The following SMYD3 variants were observed in gnomAD, a reference collection of about 807,000 sequenced individuals.
The protein encoded by SMYD3 is SET and MYND domain containing 3.
SMYD3 carries 36 observed loss-of-function variants against 57.7 expected under a neutral mutation model. The ratio of observed to expected loss-of-function variants is 0.62; its 90% CI spans 0.48 to 0.82. The LOEUF (loss-of-function observed/expected upper bound fraction) is 0.82. SMYD3 is among the 40% of genes least tolerant of loss of function. The probability of loss-of-function intolerance (pLI) is 0.00; values close to 1 mark genes in which losing one functional copy is unlikely to be tolerated. For missense variants in SMYD3, 515 were observed against 538.8 expected (o/e 0.96, Z 0.44); for synonymous variants, 211 against 195.0 (o/e 1.08, Z -0.68).
At chr1:246,064,707 C>A (rs1196138450) in intron 5 of SMYD3, among the ~76,000 whole-genome samples, 1 of 152,228 alleles carries the variant, frequency 6.6e-6, no homozygotes, top group African/African-American at 2.4e-5. Flanking sequence ...ATAAATACTT[C>A]TTGACTGAAT....
chr1:246,410,382 T>G (rs539156514), intron 1 of SMYD3, among the ~76,000 whole-genome samples: 4,325 of 151,188 alleles, frequency 0.029, 101 homozygotes, highest in Non-Finnish European at 0.043. Flanking sequence ...TAGCATGAAG[T>G]GTTGCTGAAT....
rs780514565 is a variant in SMYD3, at chr1:246,092,923, GA to G, written c.532-162987del. 4.4e-3 allele frequency among the ~76,000 whole-genome samples: 622 copies of G among 140,576 alleles called. 2 individuals carry two copies. Among genetic ancestry groups the G allele is most frequent in the African/African-American group, 0.015 (558 of 38,312 alleles). 92.2% of individuals were successfully genotyped at this position (140,576 alleles called of 152,430 possible). A position where few individuals can be genotyped will look rare whatever the true frequency, so the allele number is the denominator to read the frequency against. The stretch of plus-strand genomic sequence containing the variant: ...ATAGCAAAAAAACCACCAAAAGCAG[GA>G]AAAAAAAAACAAAAAATGGGCAAAT... On this transcript the variant is annotated intron_variant, in intron 5 of 11. Transcript: ENST00000490107.
intron 10 of SMYD3, among the ~76,000 whole-genome samples, chr1:245,854,197 A>G (rs1452351792): frequency 6.6e-6 from 1 of 152,234 alleles, no homozygotes; most frequent in Non-Finnish European, 1.5e-5. Context: ...ACGGAAGTCA[A>G]CGTCATCTCT....
chr1:245,898,700 G>A (rs1298163602), intron 8 of SMYD3, among the ~76,000 whole-genome samples: 11 of 152,206 alleles, frequency 7.2e-5, no homozygotes, highest in South Asian at 2.1e-4. Flanking sequence ...TAGACATGGT[G>A]TTTCAAAAGA....
intron 5 of SMYD3, among the ~76,000 whole-genome samples, chr1:246,133,134 T>C (rs1308900240): frequency 6.6e-6 from 1 of 152,088 alleles, no homozygotes; most frequent in African/African-American, 2.4e-5. Context: ...ATCCCATTTA[T>C]GGGTATGCAT....
chr1:245,857,038 C>A (rs57806246), intron 10 of SMYD3, among the ~76,000 whole-genome samples: 1 of 152,134 alleles, frequency 6.6e-6, no homozygotes, highest in Non-Finnish European at 1.5e-5. Context: ...CCCACAAGAT[C>A]GATCACTCTG....
intron 1 of SMYD3, among the ~76,000 whole-genome samples, chr1:246,500,751 T>C (rs2068444706): frequency 6.6e-6 from 1 of 152,216 alleles, no homozygotes; most frequent in Non-Finnish European, 1.5e-5. Flanking sequence ...CACCAGGCTG[T>C]CTGAAGAACA....
intron 10 of SMYD3, among the ~76,000 whole-genome samples, chr1:245,766,749 A>G (rs7517347): frequency 0.17 from 26,591 of 152,156 alleles, 2,529 homozygotes; most frequent in East Asian, 0.33. Context: ...TCCACTAAGT[A>G]GATGTCTGTC....
intron 8 of SMYD3, among the ~76,000 whole-genome samples, chr1:245,884,920 G>A (rs11578736): frequency 0.43 from 65,376 of 151,718 alleles, 18,525 homozygotes; most frequent in East Asian, 0.81. Context: ...CAACCCACTC[G>A]GGTCCCCTTC....
intron 5 of SMYD3, among the ~76,000 whole-genome samples, chr1:245,977,030 AGGGAAAGCCATCGTCTCCG>A: frequency 9.3e-6 from 1 of 107,828 alleles, no homozygotes; most frequent in Admixed American, 9.5e-5. Context: ...TCTCTAGCCC[AGGGAAAGCCATCGTCTCCG>A]GCCCAGGGAA....
chr1:246,304,103 A>G (rs1193318748), intron 5 of SMYD3, among the ~76,000 whole-genome samples: 2 of 152,234 alleles, frequency 1.3e-5, no homozygotes, highest in Admixed American at 1.3e-4. Flanking sequence ...ACAAATACTT[A>G]GCAGAGAACA....
At chr1:245,935,947 A>C (rs1442692503) in intron 5 of SMYD3, among the ~76,000 whole-genome samples, 1 of 152,186 alleles carries the variant, frequency 6.6e-6, no homozygotes, top group South Asian at 2.1e-4. Flanking sequence ...AGGAGGAATA[A>C]GTTCTTGAGA....
At chr1:246,026,239 G>C (rs942036475) in intron 5 of SMYD3, among the ~76,000 whole-genome samples, 2 of 152,136 alleles carry the variant, frequency 1.3e-5, no homozygotes, top group Non-Finnish European at 2.9e-5. Context: ...ACCTTCCCTA[G>C]GTCTTGCAGA....
intron 8 of SMYD3, among the ~76,000 whole-genome samples, chr1:245,909,858 C>A (rs185551828): frequency 6.6e-6 from 1 of 152,126 alleles, no homozygotes; most frequent in East Asian, 1.9e-4. Context: ...GCTAGCATCA[C>A]ACTTAATTGG....
At chr1:246,061,295 G>A (rs2060248306) in intron 5 of SMYD3, among the ~76,000 whole-genome samples, 1 of 152,080 alleles carries the variant, frequency 6.6e-6, no homozygotes, top group African/African-American at 2.4e-5. Flanking sequence ...AGATATATGA[G>A]TAAGGACTGG....
chr1:246,315,894 T>C (rs1055160865), intron 5 of SMYD3, among the ~76,000 whole-genome samples: 5 of 152,242 alleles, frequency 3.3e-5, no homozygotes, highest in Non-Finnish European at 4.4e-5. Context: ...CAAGTCATCT[T>C]ATTTTCCACA....
intron 1 of SMYD3, among the ~76,000 whole-genome samples, chr1:246,463,774 T>G: frequency 7.3e-6 from 1 of 136,688 alleles, no homozygotes; most frequent in Non-Finnish European, 1.5e-5. Context: ...AGGCGGAGTT[T>G]GCAGTGAGCC....
intron 1 of SMYD3, among the ~76,000 whole-genome samples, chr1:246,361,148 C>G (rs2065979966): frequency 1.3e-5 from 2 of 152,108 alleles, no homozygotes; most frequent in Admixed American, 6.5e-5. Flanking sequence ...CATGGACAGA[C>G]AATTCTCAAA....
At chr1:245,844,217 C>G (rs1243665537) in intron 10 of SMYD3, among the ~76,000 whole-genome samples, 1 of 152,180 alleles carries the variant, frequency 6.6e-6, no homozygotes, top group East Asian at 1.9e-4. Flanking sequence ...ACCTCCAGTT[C>G]TCATCAGCCA....
Sources: gnomAD v4.1 joint callset for allele counts (sites outside exome capture counted in the v4.1 genomes callset) on GRCh38, gnomAD v4.1.1 for gene constraint, MANE v1.5 for transcripts, NCBI Gene and HGNC (gene_info 2026-07-23, HGNC 2026-07-21) for gene names.